Variants in NFATC1 observed in about 807,000 individuals in gnomAD.
NFATC1 encodes nuclear factor of activated T cells 1, also known as nuclear factor of activated T-cells, cytoplasmic 1.
In NFATC1, 22 loss-of-function variants were observed where a neutral mutation model predicts 76.0. The ratio of observed to expected loss-of-function variants is 0.29; its 90% CI spans 0.21 to 0.41. The LOEUF is 0.41. Ranked by LOEUF, NFATC1 falls within the 10% of genes least tolerant of loss-of-function variation. NFATC1 has a pLI of 1.00. For missense variants in NFATC1, 1,357 were observed against 1,337.7 expected, an observed-to-expected ratio of 1.01 and a Z score of -0.23; for synonymous variants, 704 against 613.1, an observed-to-expected ratio of 1.15 and a Z score of -2.19.
At chr18:79,427,363 T>C (rs544908036) in intron 2 of NFATC1, among the ~76,000 whole-genome samples, 1 of 138,586 alleles carries the variant, frequency 7.2e-6, no homozygotes, top group South Asian at 2.3e-4. Flanking sequence ...TGGCAGTGGG[T>C]GCTGTACGGC....
chr18:79,513,543 A>C (rs1055260411), intron 9 of NFATC1, among the ~76,000 whole-genome samples: 8 of 152,374 alleles, frequency 5.3e-5, no homozygotes, highest in Admixed American at 3.9e-4. Context: ...TAATTCGAAA[A>C]CATCGTGGTG....
At chr18:79,469,649 C>T (rs541759346) in intron 8 of NFATC1, 4 of 985,810 alleles carry the variant, frequency 4.1e-6, no homozygotes, top group African/African-American at 1.7e-5. Context: ...CTCCACCCCC[C>T]ATCTGCTCCA....
In NFATC1 at chr18:79,448,835, G is replaced by A. The variant is rs551362844; in HGVS notation, c.1440G>A (p.Thr480=). 7.6e-5 allele frequency: 123 copies of A among 1,613,752 alleles called. No homozygotes were observed. The highest frequency in any genetic ancestry group is 9.6e-5 in the Non-Finnish European group (113 of 1,180,036). The change falls in exon 4 of 10, where the codon ACG becomes ACA. Residue 480 remains threonine (T), a synonymous_variant. Transcript: ENST00000427363. The part of the protein sequence containing the change: ...EPLMLQLFIG[T]ADDRLLRPHA... ...TGATGCTGCAGCTTTTCATTGGGAC[G>A]GCGGACGACCGCCTGCTGCGCCCGC...
chr18:79,402,755 G>T (rs557025568), intron 1 of NFATC1, among the ~76,000 whole-genome samples: 164 of 152,294 alleles, frequency 1.1e-3, no homozygotes, highest in African/African-American at 3.8e-3. Flanking sequence ...ACACCGTGCT[G>T]TTTTCTCCTT....
intron 3 of NFATC1, among the ~76,000 whole-genome samples, chr18:79,436,592 G>A (rs944368201): frequency 2.0e-5 from 3 of 152,214 alleles, no homozygotes; most frequent in Admixed American, 6.5e-5. Flanking sequence ...CATGTGTTTC[G>A]CAGTTGGGAA....
intron 2 of NFATC1, among the ~76,000 whole-genome samples, chr18:79,414,287 T>A (rs988499190): frequency 1.2e-4 from 19 of 152,188 alleles, no homozygotes; most frequent in Non-Finnish European, 2.8e-4. Context: ...TTTAATGATC[T>A]CCAAAGTTTG....
intron 9 of NFATC1, among the ~76,000 whole-genome samples, chr18:79,503,597 C>T (rs559052227): frequency 2.6e-5 from 4 of 152,178 alleles, no homozygotes; most frequent in Non-Finnish European, 5.9e-5. Flanking sequence ...CCGCGTCATT[C>T]TTAGGGGCCT....
chr18:79,512,981 C>T (rs1206503653), intron 9 of NFATC1, among the ~76,000 whole-genome samples: 1 of 152,236 alleles, frequency 6.6e-6, no homozygotes, highest in African/African-American at 2.4e-5. Context: ...GGCTCATGTG[C>T]CTATAAGATG....
intron 3 of NFATC1, among the ~76,000 whole-genome samples, chr18:79,441,119 AGACT>A (rs1188123739): frequency 2.0e-5 from 3 of 152,208 alleles, no homozygotes; most frequent in Admixed American, 2.0e-4. Context: ...TGGAGCACAT[AGACT>A]GACCAGGTCT....
At position 79,524,897 on chromosome 18, in the gene NFATC1, C is replaced by A. The variant is rs554697065; in HGVS notation, c.2783-2631C>A. On this transcript the variant is annotated intron_variant, in intron 9 of 9. Transcript: ENST00000427363. This position sits in a 1 kb window ranked among gnomAD's most constrained non-coding sequence, Gnocchi z 7.2. ...TGCCCGCGGGGAACAAGACGGCTCTCGGCGGCCATGCAGGCGGCCTGTCCC... is the reference window on the plus strand; with the variant it reads ...TGCCCGCGGGGAACAAGACGGCTCTAGGCGGCCATGCAGGCGGCCTGTCCC... 6.6e-6 allele frequency among the ~76,000 whole-genome samples: 1 copy of A among 152,006 alleles called. No individual in the cohort carries two copies. The highest frequency in any genetic ancestry group is 6.5e-5 in the Admixed American group (1 of 15,270).
At position 79,504,587 on chromosome 18, in the gene NFATC1, T is replaced by C. The variant is rs73973404; in HGVS notation, c.2782+17650T>C. Among the ~76,000 whole-genome samples, 371 of 152,374 alleles carry C rather than the reference T, an allele frequency of 2.4e-3. 5 individuals carry two copies. Among genetic ancestry groups the C allele is most frequent in the African/African-American group, 8.3e-3 (346 of 41,588 alleles). Reference sequence around the variant, plus strand: ...AAAGCTTGGAACATCATGAGCATTATTGAAACGTGACACAGAGATATGAAG... The same window carrying C: ...AAAGCTTGGAACATCATGAGCATTACTGAAACGTGACACAGAGATATGAAG... On this transcript the variant is annotated intron_variant, in intron 9 of 9. Transcript: ENST00000427363.
chr18:79,453,651 C>T (rs2087567528), intron 6 of NFATC1, among the ~76,000 whole-genome samples: 1 of 152,242 alleles, frequency 6.6e-6, no homozygotes, highest in Non-Finnish European at 1.5e-5. Flanking sequence ...GGGTGGGTCT[C>T]TGACCCTCTG....
intron 9 of NFATC1, among the ~76,000 whole-genome samples, chr18:79,521,964 C>CTGAT (rs200095359): frequency 0.043 from 3,390 of 78,632 alleles, 135 homozygotes; most frequent in Admixed American, 0.079. Flanking sequence ...AGGTTGTCTG[C>CTGAT]TGTGTGTGGG....
chr18:79,515,582 C>T (rs2090361354), intron 9 of NFATC1, among the ~76,000 whole-genome samples: 2 of 152,124 alleles, frequency 1.3e-5, no homozygotes, highest in South Asian at 2.1e-4. Flanking sequence ...CTGCTACACA[C>T]TTCACATGGT....
intron 1 of NFATC1, among the ~76,000 whole-genome samples, chr18:79,399,750 C>T (rs1384799278): frequency 6.6e-6 from 1 of 151,956 alleles, no homozygotes; most frequent in African/African-American, 2.4e-5. Context: ...CCGGTGGGTG[C>T]CGGGCCTCCT....
chr18:79,430,910 T>A (rs1266787625), intron 2 of NFATC1, among the ~76,000 whole-genome samples: 2 of 152,224 alleles, frequency 1.3e-5, no homozygotes, highest in African/African-American at 4.8e-5. Context: ...CAGAGAAGTC[T>A]TTCTCTGGAG....
In NFATC1 at chr18:79,474,220, G is replaced by A. The variant is rs1177286856; in HGVS notation, c.2092+6638G>A. 7.6e-4 allele frequency among the ~76,000 whole-genome samples: 11 copies of A among 14,492 alleles called. 1 individual carries two copies. The highest frequency in any genetic ancestry group is 1.5e-3 in the East Asian group (1 of 684). 9.5% of individuals were successfully genotyped at this position (14,492 alleles called of 152,430 possible). On this transcript the variant is annotated intron_variant, in intron 8 of 9. Transcript: ENST00000427363. ...GAAGCGTGTTCTCATGCTCACTGTC[G>A]ACGTAAACCTGAGGGAAGCGTGTTC...
At chr18:79,400,552 G>C in intron 1 of NFATC1, 1 of 1,242,144 alleles carries the variant, frequency 8.1e-7, no homozygotes, top group Non-Finnish European at 1.0e-6. Context: ...CCCCCTCCGC[G>C]TCCTCGTCGC....
rs531633343 is a variant in NFATC1, at chr18:79,512,851, C to T, written c.2783-14677C>T. On this transcript the variant is annotated intron_variant, in intron 9 of 9. Coordinates refer to ENST00000427363, the MANE Select transcript of NFATC1 (RefSeq NM_001278669.2). The stretch of plus-strand genomic sequence containing the variant: ...CACGTGCTGCGGGGAGGCGCGCTGA[C>T]GGCCACCAAGTCCACTGGAAGAAAT... 7.2e-5 allele frequency among the ~76,000 whole-genome samples: 11 copies of T among 152,354 alleles called. No individual in the cohort carries two copies. The South Asian group carries it at 8.3e-4, about 11-fold the overall frequency.
Sources: allele counts gnomAD v4.1 joint callset (sites outside exome capture counted in the v4.1 genomes callset), GRCh38; gene constraint gnomAD v4.1.1; non-coding constraint Gnocchi (gnomAD v3.1); transcripts MANE v1.5; gene names NCBI Gene and HGNC (gene_info 2026-07-23, HGNC 2026-07-21).